HERC4: variants seen among roughly 807,000 people sequenced by gnomAD.
HERC4 encodes HECT and RLD domain containing E3 ubiquitin protein ligase 4.
A neutral mutation model predicts 124.3 loss-of-function variants in HERC4; 28 were observed. The observed-to-expected ratio is 0.23, with a 90% confidence interval of 0.17 to 0.31. The LOEUF is 0.31. HERC4 is among the 10% of genes least tolerant of loss of function. The pLI is 1.00. For synonymous variants in HERC4, 407 were observed against 421.5 expected, an observed-to-expected ratio of 0.97 and a Z score of 0.42; for missense variants, 713 against 1,229.3, an observed-to-expected ratio of 0.58 and a Z score of 6.28.
In HERC4 at chr10:68,044,618, G is replaced by C. The variant is rs144888944; in HGVS notation, c.227-55C>G. 25 of 1,497,842 alleles carry C rather than the reference G, an allele frequency of 1.7e-5. 1 individual carries two copies. The East Asian group carries it at 5.0e-4, about 30-fold the overall frequency. The allele number at this position is 1,497,842 out of a possible 1,614,324, so 92.8% of individuals were successfully genotyped here. On this transcript the variant is annotated intron_variant, in intron 3 of 24. Coordinates refer to ENST00000373700, the MANE Select transcript of HERC4 (RefSeq NM_015601.4). ...TTCTAGTACAGAAATCAAGGAAAAA[G>C]ATATTGCATTCTAGTTTTGAACTTC... is the stretch of plus-strand genomic sequence containing the variant.
chr10:67,968,367 G>T (rs1433857646), intron 15 of HERC4, among the ~76,000 whole-genome samples: 1 of 151,646 alleles, frequency 6.6e-6, no homozygotes, highest in Admixed American at 6.6e-5. Flanking sequence ...GCACAGCTGA[G>T]AGGCTACTCC....
intron 1 of HERC4, 45 bp downstream of exon 1, chr10:68,075,099 G>GCCGCTGCT (rs1167734539): frequency 6.5e-6 from 1 of 153,116 alleles, no homozygotes; most frequent in East Asian, 1.9e-4. Context: ...CGGCGTCTGT[G>GCCGCTGCT]CCGCTGCTCC....
In HERC4 at chr10:68,059,763, CATAATATTATATATT is replaced by C. The variant is rs1218952485; in HGVS notation, c.226+13105_226+13119del. On this transcript the variant is annotated intron_variant, in intron 3 of 24. Coordinates refer to ENST00000373700, the MANE Select transcript of HERC4 (RefSeq NM_015601.4). ...TATTATATATTATAATATTATATAT[CATAATATTATATATT>C]ATAATATTATATATCATAATATTAT... Among the ~76,000 whole-genome samples the C allele has an allele frequency of 2.0e-4, 12 of 59,976 alleles. 1 individual carries two copies. The highest frequency in any genetic ancestry group is 3.0e-4 in the Admixed American group (1 of 3,388). 39.3% of individuals were successfully genotyped at this position (59,976 alleles called of 152,430 possible).
chr10:67,966,919 A>G (rs1369371946), intron 15 of HERC4, 117 bp from the exon 16 acceptor site: 2 of 643,806 alleles, frequency 3.1e-6, no homozygotes, highest in Non-Finnish European at 2.3e-6. Context: ...CAGTGGCACA[A>G]TCTCAGCTCA....
intron 15 of HERC4, among the ~76,000 whole-genome samples, chr10:67,980,222 G>A (rs1033621702): frequency 5.3e-5 from 8 of 152,084 alleles, no homozygotes; most frequent in African/African-American, 9.7e-5. Flanking sequence ...CATCAAAACA[G>A]CACGGTACTG....
chr10:68,071,774 T>C (rs772598491), intron 3 of HERC4, among the ~76,000 whole-genome samples: 1 of 152,206 alleles, frequency 6.6e-6, no homozygotes, highest in Non-Finnish European at 1.5e-5. Flanking sequence ...ATCTATTTTA[T>C]GAATGTCACT....
chr10:67,963,789 G>C (rs1208244853), intron 16 of HERC4, among the ~76,000 whole-genome samples: 1 of 152,116 alleles, frequency 6.6e-6, no homozygotes, highest in East Asian at 1.9e-4. Flanking sequence ...ATTTCCTGAA[G>C]AATCAATTTT....
intron 5 of HERC4, among the ~76,000 whole-genome samples, chr10:68,037,690 AT>A (rs1218178126): frequency 6.6e-6 from 1 of 152,242 alleles, no homozygotes; most frequent in Non-Finnish European, 1.5e-5. Flanking sequence ...AAATGACACC[AT>A]TCACAACAAC....
intron 23 of HERC4, among the ~76,000 whole-genome samples, chr10:67,930,258 C>G (rs560331112): frequency 6.6e-6 from 1 of 152,162 alleles, no homozygotes; most frequent in South Asian, 2.1e-4. Context: ...AAAATTAAGG[C>G]AAAACACACA....
intron 15 of HERC4, among the ~76,000 whole-genome samples, chr10:67,973,702 C>T (rs2035390570): frequency 2.6e-5 from 4 of 152,032 alleles, no homozygotes; most frequent in Admixed American, 2.0e-4. Flanking sequence ...ATATGGAAAA[C>T]GAGAAGAGTC....
At chr10:68,048,043 A>G (rs2040105227) in intron 3 of HERC4, among the ~76,000 whole-genome samples, 1 of 151,262 alleles carries the variant, frequency 6.6e-6, no homozygotes, top group Non-Finnish European at 1.5e-5. Flanking sequence ...CTCAGCCTCC[A>G]GGGTAGCTGG....
At chr10:68,062,913 A>G (rs2041104716) in intron 3 of HERC4, among the ~76,000 whole-genome samples, 1 of 152,072 alleles carries the variant, frequency 6.6e-6, no homozygotes, top group East Asian at 1.9e-4. Flanking sequence ...ATTAAATTCA[A>G]GCTCCTTAAT....
At chr10:67,947,833 T>C (rs928774627) in intron 19 of HERC4, among the ~76,000 whole-genome samples, 2 of 144,806 alleles carry the variant, frequency 1.4e-5, no homozygotes, top group Non-Finnish European at 3.0e-5. Flanking sequence ...AATTAAACAA[T>C]ACACTCTTTT....
intron 19 of HERC4, 40 bp from the exon 20 acceptor site, chr10:67,941,145 T>TA: frequency 7.4e-7 from 1 of 1,352,852 alleles, no homozygotes; most frequent in Admixed American, 2.6e-5. Context: ...TCCTCCAAGT[T>TA]AAAATATTAA....
chr10:68,068,669 T>G (rs1160972688), intron 3 of HERC4: 2 of 151,684 alleles, frequency 1.3e-5, no homozygotes, highest in Middle Eastern at 3.4e-3. Context: ...CAAAAAAATA[T>G]AAAAAATAAA....
intron 10 of HERC4, 88 bp downstream of exon 10, chr10:67,992,518 G>T: frequency 1.9e-6 from 2 of 1,056,226 alleles, no homozygotes; most frequent in Non-Finnish European, 1.4e-6. Context: ...CAATTACTTT[G>T]TAACATATAA....
At chr10:68,040,866 G>A (rs1296012908) in intron 4 of HERC4, among the ~76,000 whole-genome samples, 1 of 149,378 alleles carries the variant, frequency 6.7e-6, no homozygotes, top group East Asian at 1.9e-4. Flanking sequence ...TCCAGCCTGG[G>A]TGACAGAGTG....
At chr10:68,069,711 C>T (rs1273106381) in intron 3 of HERC4, 2 of 985,306 alleles carry the variant, frequency 2.0e-6, no homozygotes, top group Non-Finnish European at 2.4e-6. Context: ...ATTCTTAGTT[C>T]CCTCCATTCC....
intron 8 of HERC4, among the ~76,000 whole-genome samples, chr10:68,015,948 C>A (rs551581269): frequency 6.6e-6 from 1 of 152,054 alleles, no homozygotes; most frequent in Non-Finnish European, 1.5e-5. Flanking sequence ...ATTAAAAATA[C>A]AAAAATTAGC....
Sources: gnomAD v4.1 joint callset for allele counts (sites outside exome capture counted in the v4.1 genomes callset) on GRCh38, gnomAD v4.1.1 for gene constraint, MANE v1.5 for transcripts, NCBI Gene and HGNC (gene_info 2026-07-23, HGNC 2026-07-21) for gene names.